MLLT6: variants seen among roughly 807,000 people sequenced by gnomAD.
The protein encoded by MLLT6 is MLLT6, PHD finger containing.
In MLLT6, 22 loss-of-function variants were observed where a neutral mutation model predicts 103.0. The ratio of observed to expected loss-of-function variants is 0.21; its 90% CI spans 0.15 to 0.31. MLLT6 has a LOEUF of 0.31. Among genes scored for constraint, MLLT6 ranks in the 10% least tolerant of loss-of-function variants. The pLI is 1.00. For missense variants in MLLT6, 1,199 were observed against 1,441.7 expected (o/e 0.83, Z 2.73); for synonymous variants, 606 against 623.5 (o/e 0.97, Z 0.42).
At chr17:38,712,169 A>C in intron 7 of MLLT6, 155 bp downstream of exon 7, 60 of 914,946 alleles carry the variant, frequency 6.6e-5, no homozygotes, top group South Asian at 1.0e-4. Flanking sequence ...CTGAAATGAA[A>C]CGGTGGGGGG....
In MLLT6 at chr17:38,726,839, G is replaced by A. The variant is rs1598005470; in HGVS notation, c.*1241G>A. On this transcript the variant is annotated 3_prime_UTR_variant, in exon 20 of 20. Transcript: ENST00000621332. Reference sequence around the variant, plus strand: ...CTGCACCCCACCCCCACCAACCAGGGGAGCCACTAAGCTGACTAACAACTG... The same window carrying A: ...CTGCACCCCACCCCCACCAACCAGGAGAGCCACTAAGCTGACTAACAACTG... 4 of 233,762 alleles carry A rather than the reference G, an allele frequency of 1.7e-5. No individual in the cohort carries two copies. The East Asian group carries it at 2.4e-4, about 14-fold the overall frequency. The allele number at this position is 233,762 out of a possible 1,614,324, so 14.5% of individuals were successfully genotyped here.
intron 18 of MLLT6, among the ~76,000 whole-genome samples, chr17:38,723,877 G>A (rs1048900838): frequency 2.0e-5 from 3 of 151,472 alleles, no homozygotes; most frequent in East Asian, 2.0e-4. Flanking sequence ...CAAGTAGCTG[G>A]GATTACAGGT....
rs1906044146 is a variant in MLLT6 at position 38,726,569 on chromosome 17, C to T, written c.*971C>T. The stretch of plus-strand genomic sequence containing the variant: ...TGGGGGCATGAATGGTTAACAAACA[C>T]CAGAGCAGTACTCCAATATTGGAGA... On this transcript the variant is annotated 3_prime_UTR_variant, in exon 20 of 20. Coordinates refer to ENST00000621332, the MANE Select transcript of MLLT6 (RefSeq NM_005937.4). 4.3e-6 allele frequency: 1 copy of T among 233,688 alleles called. No individual in the cohort carries two copies. The allele number at this position is 233,688 out of a possible 1,614,324, so 14.5% of individuals were successfully genotyped here. A position where few individuals can be genotyped will look rare whatever the true frequency, so the allele number is the denominator to read the frequency against.
At chr17:38,722,972 A>T (rs1418641008) in intron 18 of MLLT6, among the ~76,000 whole-genome samples, 2 of 152,192 alleles carry the variant, frequency 1.3e-5, no homozygotes, top group Non-Finnish European at 2.9e-5. Flanking sequence ...TCCCCTGGGC[A>T]TTGAGAAAGG....
In MLLT6 at chr17:38,711,838, C is replaced by T. The variant is rs1481374869; in HGVS notation, c.553-9C>T. 1 of 1,530,832 alleles carries T rather than the reference C, an allele frequency of 6.5e-7. No individual in the cohort carries two copies. The highest frequency in any genetic ancestry group is 8.8e-7 in the Non-Finnish European group (1 of 1,137,468). 94.8% of individuals were successfully genotyped at this position (1,530,832 alleles called of 1,614,324 possible). The stretch of plus-strand genomic sequence containing the variant: ...AGGGTTTGCAATTTCTCTCAAATCT[C>T]TCCCGCAGAAGACATCCCGGCACAG... On this transcript the variant is annotated splice_polypyrimidine_tract_variant and intron_variant, in intron 6 of 19. Transcript: ENST00000621332.
chr17:38,721,319 C>T (rs895737206), intron 16 of MLLT6, among the ~76,000 whole-genome samples: 1 of 152,190 alleles, frequency 6.6e-6, no homozygotes, highest in Non-Finnish European at 1.5e-5. Flanking sequence ...CACACTTGCC[C>T]TTTGTCATGC....
At chr17:38,706,744 T>G in intron 1 of MLLT6, 1 of 428,594 alleles carries the variant, frequency 2.3e-6, no homozygotes, top group Non-Finnish European at 4.2e-6. Flanking sequence ...CTTCCCGCCC[T>G]GTTTGAAGTG....
At chr17:38,711,702 A>G (rs1905145597) in intron 6 of MLLT6, 145 bp from the exon 7 acceptor site, 1 of 1,007,818 alleles carries the variant, frequency 9.9e-7, no homozygotes, top group Non-Finnish European at 1.4e-6. Context: ...TGCTGAGCAG[A>G]GCATCATAGA....
intron 2 of MLLT6, among the ~76,000 whole-genome samples, 184 bp from the exon 3 acceptor site, chr17:38,707,302 A>G (rs1597988740): frequency 6.6e-6 from 1 of 152,352 alleles, no homozygotes; most frequent in East Asian, 1.9e-4. Context: ...AGGGAAAACT[A>G]TAATGAATCT....
chr17:38,720,300 G>GCCCCCCCCCCCCCCCCCCCCC, intron 14 of MLLT6, 72 bp from the exon 15 acceptor site: 4 of 726,392 alleles, frequency 5.5e-6, no homozygotes, highest in Admixed American at 2.6e-5. Flanking sequence ...TCCCCTCCAG[G>GCCCCCCCCCCCCCCCCCCCCC]CCCCGCCCCC....
At chr17:38,720,137 C>T (rs1905626212) in intron 14 of MLLT6, 10 of 694,710 alleles carry the variant, frequency 1.4e-5, no homozygotes, top group Non-Finnish European at 2.4e-5. Context: ...GCAACTTCCG[C>T]CCTTCTCTCC....
At chr17:38,715,417 A>T in intron 8 of MLLT6, 195 bp from the exon 9 acceptor site, 1 of 839,556 alleles carries the variant, frequency 1.2e-6, no homozygotes, top group Middle Eastern at 3.8e-4. Flanking sequence ...CCTTACACCC[A>T]GGAGTGCCAC....
At chr17:38,707,105 T>A in intron 2 of MLLT6, 76 bp downstream of exon 2, 2 of 1,319,584 alleles carry the variant, frequency 1.5e-6, no homozygotes, top group Non-Finnish European at 2.1e-6. Flanking sequence ...GCTAGGGGAC[T>A]CTGAGGCCGA....
intron 6 of MLLT6, among the ~76,000 whole-genome samples, chr17:38,711,644 C>G (rs986741430): frequency 6.6e-6 from 1 of 152,186 alleles, no homozygotes. Flanking sequence ...GCACATTGGG[C>G]GAGCCAGCTG....
chr17:38,712,533 C>T (rs191873613), intron 7 of MLLT6, among the ~76,000 whole-genome samples, 158 bp from the exon 8 acceptor site: 99 of 152,248 alleles, frequency 6.5e-4, no homozygotes, highest in Middle Eastern at 3.4e-3. Flanking sequence ...TTGCCTGAAT[C>T]GCTCCTGCCC....
rs562290215 is a variant in MLLT6 at position 38,724,033 on chromosome 17, G to A, written c.2884-587G>A. Among the ~76,000 whole-genome samples, 23 of 152,228 alleles carry A rather than the reference G, an allele frequency of 1.5e-4. No homozygotes were observed. Among genetic ancestry groups the A allele is most frequent in the African/African-American group, 4.6e-4 (19 of 41,532 alleles). On this transcript the variant is annotated intron_variant, in intron 18 of 19. Transcript: ENST00000621332. This position sits in a 1 kb window ranked among gnomAD's most constrained non-coding sequence, Gnocchi z 5.4. ...GCTGGGATTATAGGCGTGAGCCACCGTGTCCGGCGAATTGAAAACTATTGA... is the reference window on the plus strand; with the variant it reads ...GCTGGGATTATAGGCGTGAGCCACCATGTCCGGCGAATTGAAAACTATTGA...
rs1035160613 is a variant in MLLT6 at position 38,709,961 on chromosome 17, C to T, written c.552+386C>T. ...GCCATGTGTTATTTTGTGTGGTCCC[C>T]CCACCAACCCTAAGAACTAGGTGTG... On this transcript the variant is annotated intron_variant, in intron 6 of 19. Coordinates refer to ENST00000621332, the MANE Select transcript of MLLT6 (RefSeq NM_005937.4). The surrounding 1 kb of genome is among the most constrained non-coding windows in gnomAD (Gnocchi z 4.3). Among the ~76,000 whole-genome samples, 2 of 152,182 alleles carry T rather than the reference C, an allele frequency of 1.3e-5. No individual in the cohort carries two copies. Among genetic ancestry groups the T allele is most frequent in the Non-Finnish European group, 2.9e-5 (2 of 68,024 alleles).
At chr17:38,719,943 A>T in intron 14 of MLLT6, 48 bp downstream of exon 14, 1 of 1,513,058 alleles carries the variant, frequency 6.6e-7, no homozygotes, top group South Asian at 1.2e-5. Context: ...GGGCCCTAAC[A>T]GTCACCTTTC....
Position 38,715,771 on chromosome 17 carries a change from GCCTCCTCTTCTT to G in MLLT6, c.987_998del (p.Ser335_Ser338del), listed in dbSNP as rs770066206. On this transcript the variant is annotated inframe_deletion, in exon 9 of 20. Transcript: ENST00000621332. ...GAAAGGTGTGAGCAGTTTTACCTCC[GCCTCCTCTTCTT>G]CCTCCTCCTCTTCCTCCTCCTCTGG... 2 of 1,613,026 alleles carry G rather than the reference GCCTCCTCTTCTT, an allele frequency of 1.2e-6. No individual in the cohort carries two copies. Among genetic ancestry groups the G allele is most frequent in the South Asian group, 1.1e-5 (1 of 90,778 alleles).
Sources: allele counts gnomAD v4.1 joint callset (sites outside exome capture counted in the v4.1 genomes callset), GRCh38; gene constraint gnomAD v4.1.1; non-coding constraint Gnocchi (gnomAD v3.1); transcripts MANE v1.5; gene names NCBI Gene and HGNC (gene_info 2026-07-23, HGNC 2026-07-21).